The following NGEF variants were observed in gnomAD, a reference collection of about 807,000 sequenced individuals.
NGEF encodes neuronal guanine nucleotide exchange factor.
NGEF carries 31 observed loss-of-function variants against 80.9 expected under a neutral mutation model. The observed-to-expected ratio is 0.38, with a 90% confidence interval of 0.29 to 0.52. The LOEUF (loss-of-function observed/expected upper bound fraction) is 0.52, where lower values mean the gene tolerates loss of function less well. NGEF is among the 20% of genes least tolerant of loss of function. NGEF has a pLI of 0.84. For synonymous variants in NGEF, 371 were observed against 370.2 expected, an observed-to-expected ratio of 1.00 and a Z score of -0.03; for missense variants, 709 against 926.2, an observed-to-expected ratio of 0.77 and a Z score of 3.04.
chr2:232,993,578 A>G (rs1477717371), intron 1 of NGEF, among the ~76,000 whole-genome samples: 6 of 152,188 alleles, frequency 3.9e-5, no homozygotes, highest in African/African-American at 7.2e-5. Flanking sequence ...GCCTGTTCCC[A>G]AGAGACATGA....
rs989863477 is a variant in NGEF, at chr2:232,967,398, G to A, written c.383+2816C>T. The stretch of plus-strand genomic sequence containing the variant: ...CGCCCAGGCTGGTGTGCAGTGGCAT[G>A]ATCTCAGCTCACTGCAACCTCCGCC... On this transcript the variant is annotated intron_variant, in intron 3 of 14. Transcript: ENST00000264051. Among the ~76,000 whole-genome samples the A allele has an allele frequency of 3.9e-5, 6 of 152,120 alleles. No homozygotes were observed. In the South Asian group the frequency reaches 1.2e-3, roughly 32 times the overall value.
Position 232,970,250 on chromosome 2 carries a change from G to T in NGEF, c.347C>A (p.Thr116Lys). Residue 116 changes from threonine to lysine, a missense_variant, in exon 3 of 15, where the codon ACA (threonine) becomes AAA (lysine). Thr to Lys is a moderately conservative substitution (Grantham distance 78). This residue lies in a region of NGEF where 283 missense variants were observed against 303.4 expected (regional missense o/e 0.93). Coordinates refer to ENST00000264051, the MANE Select transcript of NGEF (RefSeq NM_019850.3). ...IPWSRMPPCR[T>K]AMQTDPGAQE... Reference sequence around the variant, plus strand: ...GGCTCCTGGGTCTGTCTGCATTGCTGTTCTGCAAGGAGGCATTCTGCTCCA... The same window carrying T: ...GGCTCCTGGGTCTGTCTGCATTGCTTTTCTGCAAGGAGGCATTCTGCTCCA... 1 of 1,601,840 alleles carries T rather than the reference G, an allele frequency of 6.2e-7. No homozygotes were observed. The highest frequency in any genetic ancestry group is 1.1e-5 in the South Asian group (1 of 89,080).
chr2:232,907,192 A>AAG (rs1330523894), intron 5 of NGEF, among the ~76,000 whole-genome samples: 1 of 150,130 alleles, frequency 6.7e-6, no homozygotes, highest in Admixed American at 6.6e-5. Flanking sequence ...AAAAAAGAAA[A>AAG]AAAAAAAAAA....
rs572403502 is a variant in NGEF at position 232,888,468 on chromosome 2, A to G, written c.1273-361T>C. 5.3e-5 allele frequency among the ~76,000 whole-genome samples: 8 copies of G among 152,232 alleles called. No homozygotes were observed. The East Asian group carries it at 1.6e-3, about 30-fold the overall frequency. On this transcript the variant is annotated intron_variant, in intron 8 of 14. Transcript: ENST00000264051. Reference sequence around the variant, plus strand: ...CACAACACGATGCATGCACACTTGCAAGCACAGTGCACACACATGTACACA... The same window carrying G: ...CACAACACGATGCATGCACACTTGCGAGCACAGTGCACACACATGTACACA...
intron 1 of NGEF, among the ~76,000 whole-genome samples, chr2:232,982,200 T>A (rs1385409039): frequency 6.6e-6 from 1 of 152,022 alleles, no homozygotes; most frequent in East Asian, 1.9e-4. Flanking sequence ...CACTGAAACA[T>A]CATCAATCTC....
intron 3 of NGEF, among the ~76,000 whole-genome samples, chr2:232,935,007 C>CAA (rs141937277): frequency 1.0e-3 from 128 of 127,802 alleles, no homozygotes; most frequent in African/African-American, 2.4e-3. Context: ...GACTCTGTCT[C>CAA]AAAAAAAAAA....
chr2:232,991,350 A>C (rs973390837), intron 1 of NGEF, among the ~76,000 whole-genome samples: 21 of 152,088 alleles, frequency 1.4e-4, no homozygotes, highest in African/African-American at 2.7e-4. Flanking sequence ...GTAAAAAAAA[A>C]CAAAAAACCC....
At chr2:232,981,731 C>G (rs892726444) in intron 1 of NGEF, among the ~76,000 whole-genome samples, 41 of 152,314 alleles carry the variant, frequency 2.7e-4, no homozygotes, top group Middle Eastern at 6.8e-3. Flanking sequence ...TCCCCGAATG[C>G]TTGGGGAGAC....
chr2:232,885,831 C>T (rs898386256), intron 9 of NGEF, among the ~76,000 whole-genome samples: 5 of 152,336 alleles, frequency 3.3e-5, no homozygotes, highest in South Asian at 2.1e-4. Flanking sequence ...CCAGGCTCGC[C>T]GCAGGCTCTC....
At position 232,891,524 on chromosome 2, in the gene NGEF, GCAGGAGGCATGAACTGGAGACTCCTCC is replaced by G. The variant is rs747867767; in HGVS notation, c.1143-64_1143-38del. The G allele has an allele frequency of 4.4e-6, 7 of 1,597,094 alleles. No homozygotes were observed. In the African/African-American group the frequency reaches 9.4e-5, roughly 21 times the overall value. ...GACAGGTGGAGTAGGTCTCTGAGCT[GCAGGAGGCATGAACTGGAGACTCCTCC>G]TCCCCATCCACAGCCTCCCAGGATC... On this transcript the variant is annotated intron_variant, in intron 7 of 14. Transcript: ENST00000264051.
In NGEF at chr2:232,970,017, T is replaced by A. The variant is rs537078497; in HGVS notation, c.383+197A>T. 27 of 327,716 alleles carry A rather than the reference T, an allele frequency of 8.2e-5. No individual in the cohort carries two copies. In the South Asian group the frequency reaches 1.6e-3, roughly 19 times the overall value. The allele number at this position is 327,716 out of a possible 1,614,324, so 20.3% of individuals were successfully genotyped here. ...ACATCACTGCCCACAAATATTTTTT[T>A]AAAAAATTACTGTACAAAACAAAAG... On this transcript the variant is annotated intron_variant, in intron 3 of 14. Coordinates refer to ENST00000264051, the MANE Select transcript of NGEF (RefSeq NM_019850.3).
intron 1 of NGEF, among the ~76,000 whole-genome samples, chr2:233,005,910 G>A (rs1695074113): frequency 6.6e-6 from 1 of 152,176 alleles, no homozygotes; most frequent in Admixed American, 6.5e-5. Flanking sequence ...TCTGCCTCCT[G>A]GGTTCAAGCG....
intron 1 of NGEF, among the ~76,000 whole-genome samples, chr2:232,978,192 C>T (rs1384303954): frequency 6.6e-6 from 1 of 151,454 alleles, no homozygotes; most frequent in African/African-American, 2.4e-5. Context: ...GTTATTATTA[C>T]TATCAGTATC....
At chr2:232,975,044 T>TA in intron 1 of NGEF, 80 bp from the exon 2 acceptor site, 1 of 694,810 alleles carries the variant, frequency 1.4e-6, no homozygotes. Flanking sequence ...CCACTCCCAT[T>TA]CGAATTTGAT....
At chr2:232,997,271 T>C (rs1206333609) in intron 1 of NGEF, among the ~76,000 whole-genome samples, 1 of 152,192 alleles carries the variant, frequency 6.6e-6, no homozygotes, top group East Asian at 1.9e-4. Context: ...GGGCTGAGAC[T>C]GGGGTACACA....
At chr2:232,914,264 A>C (rs1692747529) in intron 5 of NGEF, among the ~76,000 whole-genome samples, 2 of 152,326 alleles carry the variant, frequency 1.3e-5, no homozygotes, top group South Asian at 4.1e-4. Flanking sequence ...CTCTAGACTT[A>C]CGCTGATCAA....
At chr2:232,969,534 A>T (rs1189682272) in intron 3 of NGEF, among the ~76,000 whole-genome samples, 1 of 130,262 alleles carries the variant, frequency 7.7e-6, no homozygotes, top group Non-Finnish European at 1.6e-5. Flanking sequence ...TTTTTGAGAC[A>T]GTCTCACTCC....
At position 232,901,433 on chromosome 2, in the gene NGEF, GT is replaced by G. The variant is rs773492281; in HGVS notation, c.829-6518del. On this transcript the variant is annotated intron_variant, in intron 5 of 14. Coordinates refer to ENST00000264051, the MANE Select transcript of NGEF (RefSeq NM_019850.3). ...CGTGCATTCCAGCCTGATTTGGGTT[GT>G]TTTTTTGGCTTCTCCCGACCCCTGT... 5 of 985,262 alleles carry G rather than the reference GT, an allele frequency of 5.1e-6. No homozygotes were observed. The East Asian group carries it at 4.5e-4, about 89-fold the overall frequency. 61.0% of individuals were successfully genotyped at this position (985,262 alleles called of 1,614,324 possible).
chr2:232,911,985 T>A (rs910416616), intron 5 of NGEF, among the ~76,000 whole-genome samples: 5 of 152,192 alleles, frequency 3.3e-5, no homozygotes, highest in African/African-American at 1.2e-4. Context: ...ATATGCCTTT[T>A]ATTTCTTTTT....
Sources: gnomAD v4.1 joint callset for allele counts (sites outside exome capture counted in the v4.1 genomes callset) on GRCh38, gnomAD v4.1.1 for gene constraint, gnomAD v4.1.1 regional missense constraint, MANE v1.5 for transcripts, NCBI Gene and HGNC (gene_info 2026-07-23, HGNC 2026-07-21) for gene names.